GALNT13: variants seen among roughly 807,000 people sequenced by gnomAD.
GALNT13 encodes the protein polypeptide N-acetylgalactosaminyltransferase 13.
GALNT13 carries 28 observed loss-of-function variants against 64.2 expected under a neutral mutation model. The observed-to-expected ratio is 0.44, with a 90% CI of 0.32 to 0.60. The LOEUF is 0.60. Ranked by LOEUF, GALNT13 falls within the 20% of genes least tolerant of loss-of-function variation. The probability of loss-of-function intolerance (pLI) is 0.05; values close to 1 mark genes in which losing one functional copy is unlikely to be tolerated. For missense variants in GALNT13, 577 were observed against 669.8 expected (o/e 0.86, Z 1.53); for synonymous variants, 214 against 224.6 (o/e 0.95, Z 0.42).
At chr2:154,154,386 G>T (rs369746808) in intron 4 of GALNT13, among the ~76,000 whole-genome samples, 5 of 152,172 alleles carry the variant, frequency 3.3e-5, no homozygotes, top group African/African-American at 1.2e-4. Flanking sequence ...CAAGCTCATT[G>T]GCCTGCAGAG....
the GALNT13 span, among the ~76,000 whole-genome samples, chr2:153,377,378 T>C: frequency 0.07 from 10,665 of 152,186 alleles, 525 homozygotes; most frequent in South Asian, 0.13. Flanking sequence ...TCTTGAAATT[T>C]AATTCCCAGT....
the GALNT13 span, among the ~76,000 whole-genome samples, chr2:153,431,147 C>CAAA: frequency 2.3e-5 from 2 of 87,076 alleles, no homozygotes; most frequent in Admixed American, 1.3e-4. Flanking sequence ...GAGACTCTGT[C>CAAA]AAAAAAAAAA....
chr2:153,825,615 T>A, the GALNT13 span, among the ~76,000 whole-genome samples: 1 of 138,332 alleles, frequency 7.2e-6, no homozygotes, highest in Non-Finnish European at 1.6e-5. Flanking sequence ...GTGCTGTGTG[T>A]GTGTGTGTGT....
chr2:153,674,356 A>G, the GALNT13 span, among the ~76,000 whole-genome samples: 2 of 152,196 alleles, frequency 1.3e-5, no homozygotes, highest in African/African-American at 2.4e-5. Flanking sequence ...AAACAGATAT[A>G]TAGACCAATG....
At chr2:153,177,393 A>C in the GALNT13 span, among the ~76,000 whole-genome samples, 117 of 152,284 alleles carry the variant, frequency 7.7e-4, 1 homozygote, top group African/African-American at 2.7e-3. Context: ...GGGCATATAC[A>C]GGAATGATGT....
chr2:154,409,688 G>T (rs1260914846), intron 11 of GALNT13, among the ~76,000 whole-genome samples: 2 of 151,920 alleles, frequency 1.3e-5, no homozygotes, highest in Non-Finnish European at 2.9e-5. Flanking sequence ...TGGCCACTTT[G>T]AGAGGTAGAA....
At chr2:153,283,411 A>C in the GALNT13 span, among the ~76,000 whole-genome samples, 3 of 152,186 alleles carry the variant, frequency 2.0e-5, no homozygotes, top group African/African-American at 7.2e-5. Context: ...TAATATGCAC[A>C]GAAAGGATGG....
intron 12 of GALNT13, among the ~76,000 whole-genome samples, chr2:154,442,490 G>A (rs1701348854): frequency 6.6e-6 from 1 of 152,174 alleles, no homozygotes; most frequent in Middle Eastern, 3.4e-3. Context: ...TAGCAAAATT[G>A]TGGGGTACCT....
At chr2:153,562,706 T>A in the GALNT13 span, among the ~76,000 whole-genome samples, 1 of 152,156 alleles carries the variant, frequency 6.6e-6, no homozygotes, top group African/African-American at 2.4e-5. Context: ...TGAAAGTTAT[T>A]TTGGTTCAAT....
At chr2:153,722,317 G>C in the GALNT13 span, among the ~76,000 whole-genome samples, 15 of 142,338 alleles carry the variant, frequency 1.1e-4, no homozygotes, top group South Asian at 7.5e-4. Flanking sequence ...AGTGTGTAGA[G>C]GGAAATTTAT....
chr2:153,682,263 A>G, the GALNT13 span, among the ~76,000 whole-genome samples: 2 of 151,468 alleles, frequency 1.3e-5, no homozygotes, highest in Non-Finnish European at 3.0e-5. Flanking sequence ...TCAGTCTCCA[A>G]TTTCTTTTCT....
At chr2:154,139,476 AT>A (rs1427748008) in intron 3 of GALNT13, among the ~76,000 whole-genome samples, 1 of 152,012 alleles carries the variant, frequency 6.6e-6, no homozygotes, top group East Asian at 1.9e-4. Flanking sequence ...GAGTCGAGAC[AT>A]TGGAAGAGTC....
chr2:153,564,448 A>G, the GALNT13 span, among the ~76,000 whole-genome samples: 1 of 152,196 alleles, frequency 6.6e-6, no homozygotes, highest in Non-Finnish European at 1.5e-5. Flanking sequence ...TATAACCCAT[A>G]TAGTAATATT....
rs150794750 is a variant in GALNT13 at position 153,935,446 on chromosome 2, G to A, written c.-104-8948G>A. Reference sequence around the variant, plus strand: ...ATTACATTGGTCTGATTAAGCATGTGTCATGTCACTGAAGAGTTGTAGCCT... The same window carrying A: ...ATTACATTGGTCTGATTAAGCATGTATCATGTCACTGAAGAGTTGTAGCCT... On this transcript the variant is annotated intron_variant, in intron 2 of 12. Transcript: ENST00000392825. Among the ~76,000 whole-genome samples the A allele has an allele frequency of 3.9e-5, 6 of 152,322 alleles. No homozygotes were observed. The East Asian group carries it at 1.2e-3, about 29-fold the overall frequency.
chr2:153,965,990 T>G (rs1438724175), intron 3 of GALNT13, among the ~76,000 whole-genome samples: 1 of 152,026 alleles, frequency 6.6e-6, no homozygotes, highest in Non-Finnish European at 1.5e-5. Flanking sequence ...AGTTACAGTT[T>G]CAGGGTATTC....
chr2:153,550,143 C>G, the GALNT13 span, among the ~76,000 whole-genome samples: 5 of 152,152 alleles, frequency 3.3e-5, no homozygotes, highest in African/African-American at 1.2e-4. Flanking sequence ...TGGCAGCTAT[C>G]TAGCAGCAAA....
chr2:153,631,459 C>G, the GALNT13 span, among the ~76,000 whole-genome samples: 1 of 152,218 alleles, frequency 6.6e-6, no homozygotes, highest in Non-Finnish European at 1.5e-5. Flanking sequence ...TCTCCACATC[C>G]TCTCCAGCAC....
At chr2:153,808,292 A>G in the GALNT13 span, among the ~76,000 whole-genome samples, 133,235 of 152,044 alleles carry the variant, frequency 0.88, 59,201 homozygotes, top group Non-Finnish European at 0.92. Context: ...TTTTCCCACG[A>G]CATTTTCAAC....
chr2:153,982,518 G>A (rs1694530797), intron 3 of GALNT13, among the ~76,000 whole-genome samples: 1 of 152,012 alleles, frequency 6.6e-6, no homozygotes, highest in South Asian at 2.1e-4. Context: ...TGAAGTCAAT[G>A]TACCTAAGGG....
Sources: gnomAD v4.1 joint callset for allele counts (sites outside exome capture counted in the v4.1 genomes callset) on GRCh38, gnomAD v4.1.1 for gene constraint, MANE v1.5 for transcripts, NCBI Gene and HGNC (gene_info 2026-07-23, HGNC 2026-07-21) for gene names.